Variants in MEGF11 observed in about 807,000 individuals in gnomAD.
The protein encoded by MEGF11 is multiple epidermal growth factor-like domains protein 11.
MEGF11 carries 126 observed loss-of-function variants against 146.6 expected under a neutral mutation model. The ratio of observed to expected loss-of-function variants is 0.86; its 90% confidence interval spans 0.74 to 1.00. The LOEUF (loss-of-function observed/expected upper bound fraction) is 1.00, where lower values mean the gene tolerates loss of function less well. Among genes scored for constraint, MEGF11 ranks in the 50% least tolerant of loss-of-function variants. The probability of loss-of-function intolerance (pLI) is 0.00; values close to 1 mark genes in which losing one functional copy is unlikely to be tolerated. For missense variants in MEGF11, 1,509 were observed against 1,521.2 expected (o/e 0.99, Z 0.13); for synonymous variants, 532 against 583.4 (o/e 0.91, Z 1.27).
intron 7 of MEGF11, among the ~76,000 whole-genome samples, chr15:65,971,589 G>A (rs112952591): frequency 2.0e-3 from 303 of 152,228 alleles, no homozygotes; most frequent in Non-Finnish European, 3.6e-3. Context: ...GCTGACTGCC[G>A]GACTGAACTC....
Position 65,915,483 on chromosome 15 carries a change from G to A in MEGF11, c.2460C>T (p.Ile820=), listed in dbSNP as rs2078963452. The change falls in exon 19 of 26, where the codon ATC becomes ATT. Residue 820 remains isoleucine (I), a synonymous_variant. Transcript: ENST00000395614. ...CGTGTGTATTACCTTGGTCACACCT[G>A]ATTCCTTTGAAGCCAGGGCTGCAGT... ...TCYCSPGFKG[I]RCDQAALMME... is the part of the protein sequence containing the mutation. 1 of 1,613,902 alleles carries A rather than the reference G, an allele frequency of 6.2e-7. No homozygotes were observed. The highest frequency in any genetic ancestry group is 1.7e-5 in the Admixed American group (1 of 60,026).
chr15:66,010,034 G>A (rs2140106598), intron 5 of MEGF11, among the ~76,000 whole-genome samples: 1 of 152,134 alleles, frequency 6.6e-6, no homozygotes, highest in South Asian at 2.1e-4. Context: ...CTCTTAGTGT[G>A]GTGTTGTATA....
At chr15:66,178,735 G>A (rs181485747) in intron 1 of MEGF11, among the ~76,000 whole-genome samples, 1 of 152,242 alleles carries the variant, frequency 6.6e-6, no homozygotes, top group Admixed American at 6.5e-5. Flanking sequence ...CTGGGTCCCA[G>A]CCCTTCAGAG....
At chr15:66,201,964 A>C (rs981494232) in intron 1 of MEGF11, among the ~76,000 whole-genome samples, 2 of 148,016 alleles carry the variant, frequency 1.4e-5, no homozygotes, top group African/African-American at 2.5e-5. Flanking sequence ...AAAAAAAAAA[A>C]AAAAAAAAAA....
At chr15:66,178,470 G>A (rs1373408894) in intron 1 of MEGF11, among the ~76,000 whole-genome samples, 3 of 152,094 alleles carry the variant, frequency 2.0e-5, no homozygotes, top group African/African-American at 7.2e-5. Flanking sequence ...TTTAGCTCAC[G>A]GCCAGCTCTG....
chr15:66,125,937 C>A (rs2088314880), intron 2 of MEGF11, among the ~76,000 whole-genome samples: 1 of 152,170 alleles, frequency 6.6e-6, no homozygotes, highest in African/African-American at 2.4e-5. Flanking sequence ...TTGCAAGATG[C>A]CCTGGGCCGA....
At chr15:65,952,654 G>C (rs1413074498) in intron 10 of MEGF11, among the ~76,000 whole-genome samples, 1 of 152,174 alleles carries the variant, frequency 6.6e-6, no homozygotes, top group Non-Finnish European at 1.5e-5. Flanking sequence ...GTGCTGAAAC[G>C]ATGCCGTTTC....
At chr15:66,022,734 G>A (rs1037748961) in intron 5 of MEGF11, among the ~76,000 whole-genome samples, 2 of 151,808 alleles carry the variant, frequency 1.3e-5, no homozygotes, top group African/African-American at 4.8e-5. Context: ...GGAGGCTGAG[G>A]TGGGAGCATC....
intron 1 of MEGF11, among the ~76,000 whole-genome samples, chr15:66,223,446 C>T (rs1242922781): frequency 6.6e-6 from 1 of 151,872 alleles, no homozygotes; most frequent in Non-Finnish European, 1.5e-5. Context: ...TCTGTGCATA[C>T]ACCAAAAACC....
chr15:66,221,979 C>T (rs1213406933), intron 1 of MEGF11, among the ~76,000 whole-genome samples: 2 of 152,078 alleles, frequency 1.3e-5, no homozygotes, highest in African/African-American at 4.8e-5. Context: ...TTTATGAATC[C>T]CAATTAGGCC....
At chr15:66,166,145 C>T (rs1050735471) in intron 1 of MEGF11, among the ~76,000 whole-genome samples, 1 of 152,158 alleles carries the variant, frequency 6.6e-6, no homozygotes, top group East Asian at 1.9e-4. Flanking sequence ...TTCCCTGGGA[C>T]GGCTGGTAGC....
intron 5 of MEGF11, among the ~76,000 whole-genome samples, chr15:66,025,771 AC>A (rs2083308039): frequency 2.0e-5 from 3 of 152,074 alleles, no homozygotes; most frequent in African/African-American, 7.2e-5. Context: ...GCAGACTTAC[AC>A]TTCTGTGAAC....
rs141476893 is a variant in MEGF11 at position 66,061,171 on chromosome 15, G to T, written c.394+33231C>A. Among the ~76,000 whole-genome samples the T allele has an allele frequency of 3.2e-3, 488 of 152,314 alleles. 4 individuals are homozygous for T. Among genetic ancestry groups the T allele is most frequent in the African/African-American group, 0.011 (469 of 41,574 alleles). ...CTGAAGGCTGTCACCTCAAAACCTG[G>T]GGACCTTTTGGATCAGGGCCAAGGG... On this transcript the variant is annotated intron_variant, in intron 5 of 25. Transcript: ENST00000395614.
At chr15:65,977,636 G>A (rs1290668680) in intron 7 of MEGF11, among the ~76,000 whole-genome samples, 3 of 152,030 alleles carry the variant, frequency 2.0e-5, no homozygotes, top group Non-Finnish European at 4.4e-5. Flanking sequence ...CCACGACCAT[G>A]TCTGGCTGAT....
At chr15:66,209,814 T>C (rs1422080784) in intron 1 of MEGF11, among the ~76,000 whole-genome samples, 2 of 151,810 alleles carry the variant, frequency 1.3e-5, no homozygotes, top group East Asian at 1.9e-4. Flanking sequence ...GGAGAGATCC[T>C]TGTGGTGACA....
intron 5 of MEGF11, among the ~76,000 whole-genome samples, chr15:66,001,366 A>T (rs911522422): frequency 6.6e-6 from 1 of 152,076 alleles, no homozygotes; most frequent in African/African-American, 2.4e-5. Flanking sequence ...CTGAGGAAAA[A>T]TAGACACTTC....
At chr15:65,956,899 A>G (rs1030718586) in intron 10 of MEGF11, among the ~76,000 whole-genome samples, 1 of 152,234 alleles carries the variant, frequency 6.6e-6, no homozygotes, top group African/African-American at 2.4e-5. Flanking sequence ...GTACATTCAT[A>G]CACAATTGGT....
chr15:66,081,513 G>T (rs532837816), intron 5 of MEGF11, among the ~76,000 whole-genome samples: 1 of 152,096 alleles, frequency 6.6e-6, no homozygotes, highest in East Asian at 1.9e-4. Context: ...CAAGTAGCTG[G>T]GATTACAGGC....
rs549745574 is a variant in MEGF11 at position 66,166,361 on chromosome 15, C to G, written c.-8-37950G>C. Among the ~76,000 whole-genome samples, 55 of 152,270 alleles carry G rather than the reference C, an allele frequency of 3.6e-4. 1 individual carries two copies. Among genetic ancestry groups the G allele is most frequent in the African/African-American group, 1.3e-3 (54 of 41,546 alleles). On this transcript the variant is annotated intron_variant, in intron 1 of 25. Transcript: ENST00000395614. ...ATGCGTCCAGAATCCCATCACTGCT[C>G]AGACTCTGATCCATGCACCAGCATC...
Sources: allele counts gnomAD v4.1 joint callset (sites outside exome capture counted in the v4.1 genomes callset), GRCh38; gene constraint gnomAD v4.1.1; transcripts MANE v1.5; gene names NCBI Gene and HGNC (gene_info 2026-07-23, HGNC 2026-07-21).